PPP1R42: variants seen among roughly 807,000 people sequenced by gnomAD.
PPP1R42 encodes the protein protein phosphatase 1 regulatory subunit 42.
A neutral mutation model predicts 31.0 loss-of-function variants in PPP1R42; 34 were observed. The observed-to-expected ratio is 1.10, with a 90% CI of 0.83 to 1.46. PPP1R42 has a LOEUF of 1.46. Ranked by LOEUF, PPP1R42 falls within the 40% of genes most tolerant of loss-of-function variation. The pLI, the probability that PPP1R42 is intolerant of heterozygous loss-of-function variation, is 0.00. For synonymous variants in PPP1R42, 103 were observed against 109.8 expected (o/e 0.94, Z 0.39); for missense variants, 268 against 303.0 (o/e 0.88, Z 0.86).
At chr8:66,988,083 G>A (rs1431498559) in intron 6 of PPP1R42, 5 of 975,522 alleles carry the variant, frequency 5.1e-6, no homozygotes, top group Non-Finnish European at 6.1e-6. Context: ...GATCATCAAA[G>A]GATTTGTGCT....
chr8:67,000,285 A>T (rs1180933897), intron 5 of PPP1R42, among the ~76,000 whole-genome samples: 1 of 151,816 alleles, frequency 6.6e-6, no homozygotes, highest in African/African-American at 2.4e-5. Flanking sequence ...TTGTCATTTT[A>T]TAATTTTTTT....
chr8:67,010,860 A>G (rs758131620), intron 4 of PPP1R42, 29 bp from the exon 5 acceptor site: 11 of 1,545,482 alleles, frequency 7.1e-6, no homozygotes, highest in Non-Finnish European at 9.7e-6. Context: ...AGTTAGCATT[A>G]GTAAATAGTC....
intron 5 of PPP1R42, among the ~76,000 whole-genome samples, chr8:67,005,102 A>ATT (rs1815632610): frequency 2.2e-4 from 29 of 132,682 alleles, no homozygotes; most frequent in African/African-American, 8.2e-4. Flanking sequence ...AAATCCACCC[A>ATT]CTTTTTTTTT....
chr8:66,981,793 G>A (rs1211279464), intron 7 of PPP1R42, among the ~76,000 whole-genome samples: 1 of 152,110 alleles, frequency 6.6e-6, no homozygotes, highest in Non-Finnish European at 1.5e-5. Context: ...CCACCCTTGT[G>A]GCTCTATGTT....
chr8:66,970,919 CTGTG>C, intron 7 of PPP1R42: 1 of 1,197,504 alleles, frequency 8.4e-7, no homozygotes, highest in Non-Finnish European at 1.2e-6. Context: ...TCTTTGTTTA[CTGTG>C]AAGATGTCTC....
At position 67,019,152 on chromosome 8, in the gene PPP1R42, T is replaced by C. The variant is rs190951402; in HGVS notation, c.-84-1321A>G. ...CGCCCGAGCCATGCACTGCAATCTT[T>C]GAACTCCTGGGCTCAAGTGCTCCTC... On this transcript the variant is annotated intron_variant, in intron 1 of 7. Coordinates refer to ENST00000685739, the MANE Select transcript of PPP1R42 (RefSeq NM_001364910.1). 3.7e-3 allele frequency among the ~76,000 whole-genome samples: 556 copies of C among 149,284 alleles called. 4 individuals are homozygous for C. The highest frequency in any genetic ancestry group is 6.6e-3 in the Non-Finnish European group (445 of 67,232).
chr8:66,992,250 A>G (rs899445092), intron 5 of PPP1R42, among the ~76,000 whole-genome samples: 2 of 152,188 alleles, frequency 1.3e-5, no homozygotes, highest in African/African-American at 2.4e-5. Context: ...TGTTTCATAC[A>G]TTGGGGAAAT....
intron 7 of PPP1R42, among the ~76,000 whole-genome samples, chr8:66,980,691 C>T (rs1814801155): frequency 6.6e-6 from 1 of 152,120 alleles, no homozygotes; most frequent in Admixed American, 6.5e-5. Context: ...TCCCCATTTC[C>T]CTTTTCCTAT....
intron 5 of PPP1R42, among the ~76,000 whole-genome samples, chr8:67,003,751 C>G (rs896104580): frequency 2.0e-5 from 3 of 152,056 alleles, no homozygotes; most frequent in African/African-American, 7.2e-5. Flanking sequence ...CTTATTCTTC[C>G]TGGACATATG....
intron 7 of PPP1R42, among the ~76,000 whole-genome samples, chr8:66,980,825 A>G (rs1814807070): frequency 6.6e-6 from 1 of 152,038 alleles, no homozygotes; most frequent in African/African-American, 2.4e-5. Context: ...GTCATGGGCT[A>G]AAAAATCTGT....
At chr8:66,996,440 A>G (rs568208470) in intron 5 of PPP1R42, among the ~76,000 whole-genome samples, 1 of 152,268 alleles carries the variant, frequency 6.6e-6, no homozygotes, top group South Asian at 2.1e-4. Context: ...TCTTTTCCCT[A>G]GAGTTAAAAA....
At chr8:66,977,119 C>T (rs188190366) in intron 7 of PPP1R42, among the ~76,000 whole-genome samples, 27 of 151,704 alleles carry the variant, frequency 1.8e-4, no homozygotes, top group Admixed American at 9.2e-4. Context: ...CTGCAACCTC[C>T]GCCTCCCAGG....
At chr8:67,016,220 TG>T in intron 2 of PPP1R42, among the ~76,000 whole-genome samples, 1 of 152,248 alleles carries the variant, frequency 6.6e-6, no homozygotes, top group Non-Finnish European at 1.5e-5. Flanking sequence ...TCATTTTGCC[TG>T]GGGCATTAGT....
chr8:67,018,820 C>T lies in PPP1R42; in HGVS notation c.-84-989G>A, dbSNP rs1352644872. Among the ~76,000 whole-genome samples the T allele has an allele frequency of 1.1e-3, 56 of 51,402 alleles. 2 individuals carry two copies. The highest frequency in any genetic ancestry group is 3.5e-3 in the African/African-American group (55 of 15,690). The allele number at this position is 51,402 out of a possible 152,430, so 33.7% of individuals were successfully genotyped here. A position where few individuals can be genotyped will look rare whatever the true frequency, so the allele number is the denominator to read the frequency against. ...GCCACCGTGCCTGGCCCCCGCCCCC[C>T]CCCCCTTTTTTTTTTTTTTTTTTTT... is the stretch of plus-strand genomic sequence containing the variant. On this transcript the variant is annotated intron_variant, in intron 1 of 7. Transcript: ENST00000685739.
intron 5 of PPP1R42, among the ~76,000 whole-genome samples, chr8:67,002,565 C>G (rs1038841693): frequency 9.2e-5 from 14 of 152,092 alleles, no homozygotes; most frequent in African/African-American, 3.1e-4. Flanking sequence ...GTGTAATTGT[C>G]TTTGGGATTT....
At chr8:66,967,243 T>C (rs952820907) in intron 7 of PPP1R42, among the ~76,000 whole-genome samples, 1 of 152,200 alleles carries the variant, frequency 6.6e-6, no homozygotes, top group Non-Finnish European at 1.5e-5. Context: ...CCCAAAGTGC[T>C]GGAATTATAG....
rs187821742 is a variant in PPP1R42, at chr8:66,964,353, A to G, written c.803-19T>C. 1.8e-4 allele frequency: 213 copies of G among 1,205,774 alleles called. No individual in the cohort carries two copies. In the African/African-American group the frequency reaches 2.4e-3, roughly 14 times the overall value. The allele number at this position is 1,205,774 out of a possible 1,614,324, so 74.7% of individuals were successfully genotyped here. A position where few individuals can be genotyped will look rare whatever the true frequency, so the allele number is the denominator to read the frequency against. Reference sequence around the variant, plus strand: ...GAGATTCCTGTATTTATAGAGAGGGAAAAAAAAGCATTAAATTAAAAAAAT... The same window carrying G: ...GAGATTCCTGTATTTATAGAGAGGGGAAAAAAAGCATTAAATTAAAAAAAT... On this transcript the variant is annotated intron_variant, in intron 7 of 7. Transcript: ENST00000685739.
intron 7 of PPP1R42, among the ~76,000 whole-genome samples, chr8:66,981,787 C>T (rs374169482): frequency 6.6e-6 from 1 of 152,142 alleles, no homozygotes; most frequent in East Asian, 1.9e-4. Context: ...TTTTCCCCAC[C>T]CTTGTGGCTC....
intron 6 of PPP1R42, chr8:66,988,161 C>T: frequency 8.9e-7 from 1 of 1,118,720 alleles, no homozygotes; most frequent in African/African-American, 1.6e-5. Flanking sequence ...TTGGTAATAG[C>T]AAAATATCCT....
Sources: gnomAD v4.1 joint callset for allele counts (sites outside exome capture counted in the v4.1 genomes callset) on GRCh38, gnomAD v4.1.1 for gene constraint, MANE v1.5 for transcripts, NCBI Gene and HGNC (gene_info 2026-07-23, HGNC 2026-07-21) for gene names.